Variants in ASPRV1 observed in about 807,000 individuals in gnomAD.
The protein encoded by ASPRV1 is aspartic peptidase retroviral like 1.
A neutral mutation model predicts 11.0 loss-of-function variants in ASPRV1; 7 were observed. The ratio of observed to expected loss-of-function variants is 0.64; its 90% CI spans 0.36 to 1.20. The LOEUF (loss-of-function observed/expected upper bound fraction) is 1.20. Among genes scored for constraint, ASPRV1 ranks in the 50% most tolerant of loss-of-function variants. The pLI, the probability that ASPRV1 is intolerant of heterozygous loss-of-function variation, is 0.02. For missense variants in ASPRV1, 299 were observed against 320.0 expected, an observed-to-expected ratio of 0.93 and a Z score of 0.50; for synonymous variants, 136 against 138.4, an observed-to-expected ratio of 0.98 and a Z score of 0.12.
At chr2:70,025,398 A>G in the ASPRV1 span, among the ~76,000 whole-genome samples, 1 of 152,122 alleles carries the variant, frequency 6.6e-6, no homozygotes, top group African/African-American at 2.4e-5. Flanking sequence ...TCTCCAAAGG[A>G]AAAAAAGAGA....
chr2:70,081,064 C>T, the ASPRV1 span: 1 of 152,188 alleles, frequency 6.6e-6, no homozygotes, highest in African/African-American at 2.4e-5. Context: ...GCCACCACAC[C>T]CAGCTATACC....
the ASPRV1 span, among the ~76,000 whole-genome samples, chr2:70,004,241 G>A: frequency 4.9e-4 from 74 of 152,170 alleles, 1 homozygote; most frequent in Admixed American, 2.5e-3. Context: ...GTTTTTAAGA[G>A]GTGGGGTAAG....
At chr2:70,079,067 C>G in the ASPRV1 span, among the ~76,000 whole-genome samples, 1 of 152,166 alleles carries the variant, frequency 6.6e-6, no homozygotes, top group African/African-American at 2.4e-5. Flanking sequence ...AATAGCAACT[C>G]TGAAATGGGG....
chr2:70,024,553 T>C, the ASPRV1 span, among the ~76,000 whole-genome samples: 1 of 152,230 alleles, frequency 6.6e-6, no homozygotes, highest in Non-Finnish European at 1.5e-5. Flanking sequence ...CCTGTCAATC[T>C]GGCTCAGCCC....
chr2:70,085,907 G>C, the ASPRV1 span: 2 of 152,204 alleles, frequency 1.3e-5, no homozygotes, highest in Non-Finnish European at 2.9e-5. Flanking sequence ...AGGAAGTCTA[G>C]AAAAGCAGTA....
chr2:69,954,436 C>T, the ASPRV1 span, among the ~76,000 whole-genome samples: 1 of 152,198 alleles, frequency 6.6e-6, no homozygotes, highest in Non-Finnish European at 1.5e-5. Context: ...ACATTTGCAT[C>T]GCAGAGGTGG....
chr2:70,032,325 G>GC, the ASPRV1 span: 1 of 152,152 alleles, frequency 6.6e-6, no homozygotes. Flanking sequence ...TCCCTCAGCT[G>GC]CTCAGACACC....
At chr2:69,950,266 T>G in the ASPRV1 span, among the ~76,000 whole-genome samples, 38,973 of 152,128 alleles carry the variant, frequency 0.26, 7,659 homozygotes, top group African/African-American at 0.5. Flanking sequence ...CAGCACCCTT[T>G]TTAGCCCTGA....
chr2:70,025,039 G>C, the ASPRV1 span, among the ~76,000 whole-genome samples: 1 of 152,102 alleles, frequency 6.6e-6, no homozygotes, highest in African/African-American at 2.4e-5. Context: ...ACACTATTGT[G>C]TCTCAAATTT....
At chr2:69,967,648 CAG>C in the ASPRV1 span, among the ~76,000 whole-genome samples, 4 of 152,280 alleles carry the variant, frequency 2.6e-5, no homozygotes, top group East Asian at 7.7e-4. Context: ...AAAACAATGA[CAG>C]TGGTTATTTT....
At chr2:70,042,050 A>T in the ASPRV1 span, among the ~76,000 whole-genome samples, 2 of 152,200 alleles carry the variant, frequency 1.3e-5, no homozygotes, top group Non-Finnish European at 2.9e-5. Flanking sequence ...CCAAAACTGT[A>T]TTCCACCAAA....
chr2:70,073,315 A>C, the ASPRV1 span: 619 of 152,192 alleles, frequency 4.1e-3, 2 homozygotes, highest in African/African-American at 0.014. Context: ...ACAAACAAAA[A>C]CCACTAATAA....
At chr2:70,051,559 T>C in the ASPRV1 span, among the ~76,000 whole-genome samples, 1 of 152,158 alleles carries the variant, frequency 6.6e-6, no homozygotes, top group Admixed American at 6.5e-5. Context: ...ATCAAAATAT[T>C]GCAAATAAAA....
the ASPRV1 span, among the ~76,000 whole-genome samples, chr2:70,009,057 G>C: frequency 1.3e-5 from 2 of 152,072 alleles, no homozygotes; most frequent in Admixed American, 1.3e-4. Context: ...AAATGTGAGG[G>C]CAGAAAAAGA....
the ASPRV1 span, among the ~76,000 whole-genome samples, chr2:70,066,601 CTTTA>C: frequency 1.3e-5 from 2 of 150,942 alleles, no homozygotes; most frequent in African/African-American, 4.9e-5. Flanking sequence ...TTACATTTTA[CTTTA>C]TTTTTTTTTT....
chr2:69,932,830 A>G, the ASPRV1 span, among the ~76,000 whole-genome samples: 28 of 152,332 alleles, frequency 1.8e-4, no homozygotes, highest in African/African-American at 6.7e-4. Flanking sequence ...TACTAAAATG[A>G]CACTGTTCTG....
At chr2:70,022,912 CA>C in the ASPRV1 span, among the ~76,000 whole-genome samples, 1 of 151,838 alleles carries the variant, frequency 6.6e-6, no homozygotes, top group African/African-American at 2.4e-5. Flanking sequence ...GTCCTGAGAC[CA>C]AAACTGCTGA....
chr2:69,985,754 T>C, the ASPRV1 span, among the ~76,000 whole-genome samples: 1 of 152,192 alleles, frequency 6.6e-6, no homozygotes, highest in Non-Finnish European at 1.5e-5. Context: ...ATGAGCCTTA[T>C]TAAGCAATTA....
At chr2:69,984,041 A>G in the ASPRV1 span, among the ~76,000 whole-genome samples, 99 of 152,036 alleles carry the variant, frequency 6.5e-4, no homozygotes, top group South Asian at 0.02. Flanking sequence ...AGGAGGTTTT[A>G]TTTTTATTTT....
Sources: gnomAD v4.1 joint callset for allele counts (sites outside exome capture counted in the v4.1 genomes callset) on GRCh38, gnomAD v4.1.1 for gene constraint, MANE v1.5 for transcripts, NCBI Gene and HGNC (gene_info 2026-07-23, HGNC 2026-07-21) for gene names.